Variants in ARHGAP29 observed in about 807,000 individuals in gnomAD.
ARHGAP29 encodes rho GTPase-activating protein 29.
In ARHGAP29, 43 loss-of-function variants were observed where a neutral mutation model predicts 122.6. The observed-to-expected ratio is 0.35, with a 90% CI of 0.27 to 0.45. The LOEUF (loss-of-function observed/expected upper bound fraction) is 0.45, where lower values mean the gene tolerates loss of function less well. ARHGAP29 is among the 20% of genes least tolerant of loss of function. The pLI is 1.00. For missense variants in ARHGAP29, 1,303 were observed against 1,477.2 expected, an observed-to-expected ratio of 0.88 and a Z score of 1.93; for synonymous variants, 506 against 497.1, an observed-to-expected ratio of 1.02 and a Z score of -0.24.
intron 12 of ARHGAP29, among the ~76,000 whole-genome samples, chr1:94,197,215 G>A (rs183462532): frequency 6.6e-6 from 1 of 151,962 alleles, no homozygotes; most frequent in East Asian, 1.9e-4. Flanking sequence ...ACATTAAAAG[G>A]TAAGAGAATA....
chr1:94,174,844 G>T, intron 22 of ARHGAP29, 95 bp from the exon 23 acceptor site: 2 of 1,337,166 alleles, frequency 1.5e-6, no homozygotes, highest in Non-Finnish European at 1.0e-6. Context: ...GACAATATGA[G>T]TCTTACATAT....
At chr1:94,199,033 C>G (rs185157586) in intron 12 of ARHGAP29, among the ~76,000 whole-genome samples, 42 of 152,146 alleles carry the variant, frequency 2.8e-4, no homozygotes, top group African/African-American at 1.0e-3. Flanking sequence ...TATGTGGGAA[C>G]TGAACAATGG....
intron 3 of ARHGAP29, among the ~76,000 whole-genome samples, chr1:94,210,004 T>G (rs1651483622): frequency 6.6e-6 from 1 of 152,212 alleles, no homozygotes; most frequent in African/African-American, 2.4e-5. Flanking sequence ...ACAATAGAGA[T>G]ATTCTAATAT....
At chr1:94,224,473 G>A (rs939105127) in intron 2 of ARHGAP29, among the ~76,000 whole-genome samples, 1 of 152,072 alleles carries the variant, frequency 6.6e-6, no homozygotes, top group African/African-American at 2.4e-5. Context: ...AATACTAATG[G>A]CCTAAATGCC....
In ARHGAP29 at chr1:94,209,171, C is replaced by G. The variant is rs971337741; in HGVS notation, c.437+83G>C. ...TTTAATACCATTTAATACTTCGTTT[C>G]CCATGTATGTTACTGGATAATGCAA... is the stretch of plus-strand genomic sequence containing the variant. On this transcript the variant is annotated intron_variant, in intron 4 of 22. Coordinates refer to ENST00000260526, the MANE Select transcript of ARHGAP29 (RefSeq NM_004815.4). 6.7e-6 allele frequency: 7 copies of G among 1,038,940 alleles called. No homozygotes were observed. In the African/African-American group the frequency reaches 8.1e-5, roughly 12 times the overall value. The allele number at this position is 1,038,940 out of a possible 1,614,324, so 64.4% of individuals were successfully genotyped here.
intron 11 of ARHGAP29, chr1:94,202,201 T>C (rs953122553): frequency 2.1e-6 from 1 of 475,586 alleles, no homozygotes; most frequent in African/African-American, 2.0e-5. Flanking sequence ...TGCTATCAGG[T>C]GCCTGAATTA....
the ARHGAP29 span, among the ~76,000 whole-genome samples, chr1:94,280,140 C>T: frequency 6.6e-6 from 1 of 151,950 alleles, no homozygotes; most frequent in Admixed American, 6.6e-5. Flanking sequence ...TTCTTTACTT[C>T]TTAATGGTGA....
the ARHGAP29 span, among the ~76,000 whole-genome samples, chr1:94,308,088 A>G: frequency 6.6e-6 from 1 of 152,194 alleles, no homozygotes; most frequent in Non-Finnish European, 1.5e-5. Context: ...CTCTAGGCTT[A>G]TTGATTTCAC....
At chr1:94,184,654 T>C (rs1289837320) in intron 18 of ARHGAP29, among the ~76,000 whole-genome samples, 1 of 151,730 alleles carries the variant, frequency 6.6e-6, no homozygotes, top group African/African-American at 2.4e-5. Context: ...CTCAGGAGGC[T>C]GAAGTGGGAG....
chr1:94,256,213 T>C (rs1397240537), intron 1 of ARHGAP29, among the ~76,000 whole-genome samples: 2 of 152,164 alleles, frequency 1.3e-5, no homozygotes, highest in Non-Finnish European at 2.9e-5. Context: ...AGGTAGTTAG[T>C]TCTATTCCTC....
the ARHGAP29 span, among the ~76,000 whole-genome samples, chr1:94,292,896 A>T: frequency 6.6e-6 from 1 of 152,184 alleles, no homozygotes; most frequent in Non-Finnish European, 1.5e-5. Flanking sequence ...GTGTCTCCCA[A>T]TCAGGCTACA....
the ARHGAP29 span, among the ~76,000 whole-genome samples, chr1:94,287,590 G>C: frequency 1.4e-4 from 22 of 151,844 alleles, no homozygotes; most frequent in Non-Finnish European, 2.9e-4. Context: ...TGCAATGTTG[G>C]TTTGCTGCAC....
intron 2 of ARHGAP29, among the ~76,000 whole-genome samples, chr1:94,229,064 T>C (rs893065695): frequency 4.0e-5 from 6 of 151,752 alleles, no homozygotes; most frequent in African/African-American, 1.4e-4. Flanking sequence ...TTGGGAGGGC[T>C]ACTGAGAAAT....
chr1:94,173,755 C>T lies in ARHGAP29; in HGVS notation c.*114G>A. 7.6e-7 allele frequency: 1 copy of T among 1,314,252 alleles called. No individual in the cohort carries two copies. The allele number at this position is 1,314,252 out of a possible 1,614,324, so 81.4% of individuals were successfully genotyped here. A position where few individuals can be genotyped will look rare whatever the true frequency, so the allele number is the denominator to read the frequency against. On this transcript the variant is annotated 3_prime_UTR_variant, in exon 23 of 23. Coordinates refer to ENST00000260526, the MANE Select transcript of ARHGAP29 (RefSeq NM_004815.4). ...AAATACAACAACAAAAGGCAAAACC[C>T]ATGATTTGGCAGTCCTATACAAAAG...
At chr1:94,243,285 A>G (rs955225934) in intron 1 of ARHGAP29, among the ~76,000 whole-genome samples, 1 of 152,096 alleles carries the variant, frequency 6.6e-6, no homozygotes, top group Admixed American at 6.5e-5. Context: ...TTCATAAGAT[A>G]GGCCATATAT....
At chr1:94,205,272 G>T in intron 6 of ARHGAP29, 74 bp from the exon 7 acceptor site, 2 of 1,188,042 alleles carry the variant, frequency 1.7e-6, no homozygotes, top group Non-Finnish European at 2.2e-6. Context: ...GAAGCACTGA[G>T]ATCCTAAGAT....
At chr1:94,241,486 G>A (rs921462060), upstream of ARHGAP29, among the ~76,000 whole-genome samples, 7 of 151,482 alleles carry the variant, frequency 4.6e-5, no homozygotes, top group Admixed American at 1.3e-4. Flanking sequence ...GCGTGGTGGC[G>A]TGCACATGTA....
upstream of ARHGAP29, among the ~76,000 whole-genome samples, chr1:94,279,817 C>G (rs1222089383): frequency 6.6e-6 from 1 of 152,210 alleles, no homozygotes; most frequent in Non-Finnish European, 1.5e-5. Flanking sequence ...GTCTTTCCCT[C>G]AAAGTCTTTC....
At position 94,188,881 on chromosome 1, in the gene ARHGAP29, C is replaced by T; in HGVS notation, c.1637G>A (p.Gly546Glu). The T allele has an allele frequency of 6.2e-7, 1 of 1,613,066 alleles. No homozygotes were observed. Among genetic ancestry groups the T allele is most frequent in the Non-Finnish European group, 8.5e-7 (1 of 1,179,314 alleles). Residue 546 changes from glycine to glutamate, a missense_variant, in exon 15 of 23, where the codon GGG (glycine) becomes GAG (glutamate). This residue lies in a region of ARHGAP29 where 592 missense variants were observed against 648.2 expected (regional missense o/e 0.91). Transcript: ENST00000260526. ...ATCCAGAGATCTAGATTCGCTGCTCCCTCCAGTGCTCTCAGAATCACTAAA... is the reference window on the plus strand; with the variant it reads ...ATCCAGAGATCTAGATTCGCTGCTCTCTCCAGTGCTCTCAGAATCACTAAA... The part of the protein sequence containing the change: ...GMFSDSESTG[G>E]SSESRSLDSE...
Sources: gnomAD v4.1 joint callset for allele counts (sites outside exome capture counted in the v4.1 genomes callset) on GRCh38, gnomAD v4.1.1 for gene constraint, gnomAD v4.1.1 regional missense constraint, MANE v1.5 for transcripts, NCBI Gene and HGNC (gene_info 2026-07-23, HGNC 2026-07-21) for gene names.